The following EIF2S2 variants were observed in gnomAD, a reference collection of about 807,000 sequenced individuals.
EIF2S2 encodes eukaryotic translation initiation factor 2 subunit 2.
EIF2S2 carries 4 observed loss-of-function variants against 44.0 expected under a neutral mutation model. That is an observed-to-expected ratio of 0.09 (90% CI 0.04 to 0.21). The LOEUF (loss-of-function observed/expected upper bound fraction) is 0.21. Among genes scored for constraint, EIF2S2 ranks in the 10% least tolerant of loss-of-function variants. The pLI is 1.00. For missense variants in EIF2S2, 154 were observed against 392.0 expected, an observed-to-expected ratio of 0.39 and a Z score of 5.13; for synonymous variants, 108 against 128.3, an observed-to-expected ratio of 0.84 and a Z score of 1.07.
At chr20:34,091,384 A>G (rs1055764153) in intron 7 of EIF2S2, among the ~76,000 whole-genome samples, 1 of 152,222 alleles carries the variant, frequency 6.6e-6, no homozygotes, top group Non-Finnish European at 1.5e-5. Context: ...TGATTGTGGT[A>G]GCAGTTATAC....
At chr20:34,097,035 C>G (rs1020655848) in intron 5 of EIF2S2, among the ~76,000 whole-genome samples, 12 of 152,218 alleles carry the variant, frequency 7.9e-5, no homozygotes, top group Non-Finnish European at 1.5e-4. Flanking sequence ...TGAACAACCA[C>G]TCATTCTGTT....
Position 34,089,832 on chromosome 20 carries a change from T to A in EIF2S2, c.900A>T (p.Leu300=). The A allele has an allele frequency of 1.2e-6, 2 of 1,613,954 alleles. No homozygotes were observed. Among genetic ancestry groups the A allele is most frequent in the Non-Finnish European group, 1.7e-6 (2 of 1,179,868 alleles). ...ATCTAGAATGACAAGTTTCGCACTG[T>A]AGGAAATAGAGTCGTGTGTCCTTCT... The part of the protein sequence containing the change: ...ILQKDTRLYF[L]QCETCHSRCS... The change falls in exon 9 of 9, where the codon CTA becomes CTT. Residue 300 remains leucine, a synonymous_variant. Transcript: ENST00000374980.
intron 1 of EIF2S2, among the ~76,000 whole-genome samples, chr20:34,110,510 G>C (rs949403268): frequency 6.6e-6 from 1 of 152,170 alleles, no homozygotes; most frequent in Non-Finnish European, 1.5e-5. Context: ...CCCCTAAGTG[G>C]CCAAACTAAT....
rs2034419735 is a variant in EIF2S2 at position 34,112,013 on chromosome 20, G to C, written c.15+83C>G. On this transcript the variant is annotated intron_variant, in intron 1 of 8. Coordinates refer to ENST00000374980, the MANE Select transcript of EIF2S2 (RefSeq NM_003908.5). ...TCACATGGCGGCGGCCGGCTGCTAGGCCGCAGGCCCGTTCTCCCACACTGG... is the reference window on the plus strand; with the variant it reads ...TCACATGGCGGCGGCCGGCTGCTAGCCCGCAGGCCCGTTCTCCCACACTGG... The C allele has an allele frequency of 6.2e-6, 8 of 1,296,884 alleles. No individual in the cohort carries two copies. The Middle Eastern group carries it at 7.0e-4, about 113-fold the overall frequency. 80.3% of individuals were successfully genotyped at this position (1,296,884 alleles called of 1,614,324 possible).
intron 7 of EIF2S2, among the ~76,000 whole-genome samples, chr20:34,090,895 C>G (rs1406233555): frequency 6.6e-6 from 1 of 151,992 alleles, no homozygotes; most frequent in Non-Finnish European, 1.5e-5. Context: ...ACTACAGGCA[C>G]TCCCCACTGT....
intron 8 of EIF2S2, 82 bp downstream of exon 8, chr20:34,090,435 G>T: frequency 1.2e-6 from 1 of 832,144 alleles, no homozygotes; most frequent in Non-Finnish European, 1.8e-6. Context: ...CCAGCTCACT[G>T]CAATCAAATG....
intron 6 of EIF2S2, 135 bp downstream of exon 6, chr20:34,096,522 G>T: frequency 1.2e-6 from 1 of 829,026 alleles, no homozygotes; most frequent in Non-Finnish European, 1.9e-6. Context: ...AGGCTTGAAC[G>T]GTGAACTCCC....
At chr20:34,111,686 AAG>A (rs2034414371) in intron 1 of EIF2S2, among the ~76,000 whole-genome samples, 6 of 152,256 alleles carry the variant, frequency 3.9e-5, no homozygotes, top group Admixed American at 2.6e-4. Context: ...ATACCAAGCC[AAG>A]AGAGGCTCCT....
rs1391472719 is a variant in EIF2S2, at chr20:34,097,456, GGGC to G, written c.491_493del (p.Gly164_Pro165delinsAla). 1 of 1,613,530 alleles carries G rather than the reference GGGC, an allele frequency of 6.2e-7. No homozygotes were observed. Among genetic ancestry groups the G allele is most frequent in the East Asian group, 2.2e-5 (1 of 44,884 alleles). ...GTCTCTTTCTGAGCCTGCCCAAGCA[GGGC>G]CTGTCTGATTACTGAATGAGATACC... On this transcript the variant is annotated inframe_deletion, in exon 5 of 9. Transcript: ENST00000374980.
intron 7 of EIF2S2, among the ~76,000 whole-genome samples, chr20:34,091,752 A>G (rs1346662218): frequency 9.8e-6 from 1 of 102,414 alleles, no homozygotes; most frequent in Non-Finnish European, 1.9e-5. Flanking sequence ...GATTGTATAT[A>G]TTATTTATAT....
chr20:34,109,515 G>T (rs1276737193), intron 1 of EIF2S2, among the ~76,000 whole-genome samples: 1 of 151,958 alleles, frequency 6.6e-6, no homozygotes, highest in African/African-American at 2.4e-5. Flanking sequence ...TAAAAAATTA[G>T]CGGGTGCAAG....
intron 1 of EIF2S2, among the ~76,000 whole-genome samples, chr20:34,106,674 C>T (rs2122434400): frequency 6.6e-6 from 1 of 152,216 alleles, no homozygotes; most frequent in East Asian, 1.9e-4. Flanking sequence ...TCAAATGATC[C>T]ACCAGCTTCA....
chr20:34,098,484 G>A lies in EIF2S2; in HGVS notation c.433+14C>T. The A allele has an allele frequency of 6.2e-7, 1 of 1,612,152 alleles. No homozygotes were observed. The highest frequency in any genetic ancestry group is 1.9e-4 in the Middle Eastern group (1 of 5,146). On this transcript the variant is annotated intron_variant, in intron 4 of 8. Transcript: ENST00000374980. ...GAGTAACCTCTAAATGTGCTGCTGA[G>A]TCCTCAGCATTACCTTCATCTTTCT...
chr20:34,093,551 C>A (rs2034193443), intron 7 of EIF2S2, 124 bp downstream of exon 7: 1 of 808,284 alleles, frequency 1.2e-6, no homozygotes, highest in Non-Finnish European at 1.9e-6. Context: ...CACTCCTCCA[C>A]TGGCCTAAAA....
chr20:34,096,992 TG>T, intron 5 of EIF2S2, among the ~76,000 whole-genome samples, 187 bp from the exon 6 acceptor site: 1 of 152,374 alleles, frequency 6.6e-6, no homozygotes, highest in African/African-American at 2.4e-5. Flanking sequence ...TCATTATAGA[TG>T]CTCAGCAACT....
rs1043059302 is a variant in EIF2S2 at position 34,090,521 on chromosome 20, A to G, written c.822T>C (p.Tyr274=). Reference sequence around the variant, plus strand: ...TGAAATGAATTATACACTTACTGATATATCTTCTCAAGACATTTTCTATCT... The same window carrying G: ...TGAAATGAATTATACACTTACTGATGTATCTTCTCAAGACATTTTCTATCT... ...QKQIENVLRR[Y]IKEYVTCHTC... The change falls in exon 8 of 9, where the codon TAT becomes TAC. Residue 274 remains tyrosine, a synonymous_variant. Coordinates refer to ENST00000374980, the MANE Select transcript of EIF2S2 (RefSeq NM_003908.5). The G allele has an allele frequency of 1.1e-5, 17 of 1,511,378 alleles. No homozygotes were observed. The highest frequency in any genetic ancestry group is 5.0e-5 in the East Asian group (2 of 40,306). The allele number at this position is 1,511,378 out of a possible 1,614,324, so 93.6% of individuals were successfully genotyped here.
chr20:34,097,119 C>T (rs953880082), intron 5 of EIF2S2, among the ~76,000 whole-genome samples: 1 of 152,222 alleles, frequency 6.6e-6, no homozygotes, highest in Admixed American at 6.5e-5. Context: ...CTCCAGACTA[C>T]CCTGGCCCTA....
intron 1 of EIF2S2, 61 bp from the exon 2 acceptor site, chr20:34,105,606 C>G (rs2034340757): frequency 2.1e-6 from 3 of 1,419,290 alleles, no homozygotes; most frequent in Non-Finnish European, 2.8e-6. Context: ...TGCTCACATT[C>G]CAAATATGCT....
intron 4 of EIF2S2, among the ~76,000 whole-genome samples, chr20:34,097,908 GAAACTAAT>G (rs1158239373): frequency 6.6e-6 from 1 of 152,130 alleles, no homozygotes; most frequent in Non-Finnish European, 1.5e-5. Context: ...ATAGCATTTA[GAAACTAAT>G]AAAACTGTAA....
Sources: allele counts gnomAD v4.1 joint callset (sites outside exome capture counted in the v4.1 genomes callset), GRCh38; gene constraint gnomAD v4.1.1; transcripts MANE v1.5; gene names NCBI Gene and HGNC (gene_info 2026-07-23, HGNC 2026-07-21).